The following RTN1 variants were observed in gnomAD, a reference collection of about 807,000 sequenced individuals.
RTN1 encodes the protein reticulon 1, also known as reticulon-1.
In RTN1, 25 loss-of-function variants were observed where a neutral mutation model predicts 65.5. The ratio of observed to expected loss-of-function variants is 0.38; its 90% CI spans 0.28 to 0.53. The LOEUF (loss-of-function observed/expected upper bound fraction) is 0.53, where lower values mean the gene tolerates loss of function less well. RTN1 is among the 20% of genes least tolerant of loss of function. The pLI is 0.79. For synonymous variants in RTN1, 471 were observed against 447.6 expected, an observed-to-expected ratio of 1.05 and a Z score of -0.66; for missense variants, 983 against 1,025.4, an observed-to-expected ratio of 0.96 and a Z score of 0.57.
chr14:59,680,675 G>A (rs961014013), intron 3 of RTN1, among the ~76,000 whole-genome samples: 4 of 152,074 alleles, frequency 2.6e-5, no homozygotes, highest in Non-Finnish European at 5.9e-5. Context: ...GTTTTAGTAT[G>A]GTAATTCTAT....
intron 1 of RTN1, among the ~76,000 whole-genome samples, chr14:59,778,641 G>A (rs1174000152): frequency 1.3e-5 from 2 of 152,200 alleles, no homozygotes; most frequent in African/African-American, 2.4e-5. Context: ...TTACACAAGT[G>A]AAGATGTTTG....
chr14:59,780,055 C>T (rs1314314254), intron 1 of RTN1, among the ~76,000 whole-genome samples: 1 of 152,128 alleles, frequency 6.6e-6, no homozygotes, highest in East Asian at 1.9e-4. Context: ...CACATTCTGG[C>T]CTTGATCCCT....
Position 59,798,132 on chromosome 14 carries a change from T to C in RTN1, c.242-51651A>G, listed in dbSNP as rs186410410. 2.8e-4 allele frequency among the ~76,000 whole-genome samples: 43 copies of C among 152,306 alleles called. No homozygotes were observed. The East Asian group carries it at 6.0e-3, about 21-fold the overall frequency. On this transcript the variant is annotated intron_variant, in intron 1 of 8. Transcript: ENST00000267484. The stretch of plus-strand genomic sequence containing the variant: ...ATACTGTACTATGTTTTTCAAGCAA[T>C]TGATGTGTCTGAATTTTTCAAAAAA...
intron 1 of RTN1, among the ~76,000 whole-genome samples, chr14:59,864,760 C>G (rs1036402365): frequency 1.3e-5 from 2 of 152,158 alleles, no homozygotes; most frequent in African/African-American, 4.8e-5. Flanking sequence ...TGAAGACTTC[C>G]TTTTCTCTAC....
chr14:59,637,149 A>G (rs751672344), intron 3 of RTN1, among the ~76,000 whole-genome samples: 1 of 152,248 alleles, frequency 6.6e-6, no homozygotes, highest in East Asian at 1.9e-4. Context: ...GCCACTCTCT[A>G]TCAACTAAGT....
At chr14:59,813,574 T>C (rs1221580187) in intron 1 of RTN1, among the ~76,000 whole-genome samples, 1 of 152,158 alleles carries the variant, frequency 6.6e-6, no homozygotes, top group Non-Finnish European at 1.5e-5. Flanking sequence ...AGCATAGAGC[T>C]AAACTAGCCT....
At chr14:59,775,977 C>T (rs1169986937) in intron 1 of RTN1, among the ~76,000 whole-genome samples, 1 of 152,082 alleles carries the variant, frequency 6.6e-6, no homozygotes, top group Non-Finnish European at 1.5e-5. Context: ...AATAATTTAA[C>T]AATGAAATAA....
Position 59,746,400 on chromosome 14 carries a change from A to G in RTN1, c.323T>C (p.Leu108Pro), listed in dbSNP as rs746789886. 30 of 1,614,006 alleles carry G rather than the reference A, an allele frequency of 1.9e-5. No individual in the cohort carries two copies. The highest frequency in any genetic ancestry group is 2.5e-5 in the Non-Finnish European group (29 of 1,179,938). ...KDGEGSCYTSLISDICYPPQE... is the reference protein window; with the variant it reads ...KDGEGSCYTSPISDICYPPQE... ...AGGTGGATAGCAGATGTCAGAAATG[A>G]GAGATGTGTAACACGATCCTTCCCC... The change falls in exon 2 of 9, where the codon CTC becomes CCC. Residue 108 changes from leucine (L) to proline (P), a missense_variant. This residue lies in a region of RTN1 where 818 missense variants were observed against 801.8 expected (regional missense o/e 1.02). Transcript: ENST00000267484.
intron 3 of RTN1, among the ~76,000 whole-genome samples, chr14:59,678,348 A>G (rs1483499864): frequency 1.3e-5 from 2 of 152,250 alleles, no homozygotes; most frequent in African/African-American, 2.4e-5. Context: ...AGAAGCCATC[A>G]ATGAGCTACA....
At chr14:59,745,265 TA>T (rs1885192110) in intron 2 of RTN1, among the ~76,000 whole-genome samples, 1 of 152,114 alleles carries the variant, frequency 6.6e-6, no homozygotes, top group Admixed American at 6.5e-5. Context: ...TGTTAAGAAA[TA>T]AATTTTGTTT....
intron 3 of RTN1, among the ~76,000 whole-genome samples, chr14:59,675,001 C>T (rs1192712795): frequency 2.0e-5 from 3 of 151,750 alleles, no homozygotes; most frequent in Non-Finnish European, 4.4e-5. Context: ...CTTAAAAGGG[C>T]AAGCAAGTCA....
At chr14:59,610,005 C>A (rs1881896435) in intron 3 of RTN1, 2 of 686,216 alleles carry the variant, frequency 2.9e-6, no homozygotes, top group Non-Finnish European at 5.4e-6. Context: ...AAGGAAGATG[C>A]TTACCCACTT....
At chr14:59,713,019 T>C (rs1473638569) in intron 3 of RTN1, among the ~76,000 whole-genome samples, 1 of 152,062 alleles carries the variant, frequency 6.6e-6, no homozygotes, top group Non-Finnish European at 1.5e-5. Context: ...CATTAGAGGA[T>C]AAGCACTTTA....
chr14:59,785,238 T>A (rs1385819288), intron 1 of RTN1, among the ~76,000 whole-genome samples: 2 of 152,208 alleles, frequency 1.3e-5, no homozygotes, highest in Non-Finnish European at 2.9e-5. Context: ...TACTGTGTCT[T>A]CCAATCATTT....
intron 1 of RTN1, among the ~76,000 whole-genome samples, chr14:59,851,850 A>G (rs1159741942): frequency 2.1e-5 from 3 of 140,582 alleles, no homozygotes; most frequent in Admixed American, 1.5e-4. Flanking sequence ...AGCAAGACAC[A>G]GTCTCAAAAA....
chr14:59,640,704 A>C (rs552017102), intron 3 of RTN1, among the ~76,000 whole-genome samples: 1 of 152,298 alleles, frequency 6.6e-6, no homozygotes, highest in African/African-American at 2.4e-5. Flanking sequence ...TGGAGGTGCC[A>C]TAGCCATGTC....
In RTN1 at chr14:59,727,460, C is replaced by T. The variant is rs757743369; in HGVS notation, c.1224G>A (p.Ser408=). The change falls in exon 3 of 9, where the codon TCG becomes TCA. Residue 408 remains serine (S), a synonymous_variant. Transcript: ENST00000267484. This position sits in a 1 kb window ranked among gnomAD's most constrained non-coding sequence, Gnocchi z 4.2. ...ACACCAGCTCGATCTCTGAGTCCCC[C>T]GACTCCGCGCTGCTGGCCTCGTGGT... ...PLDHEASSAE[S]GDSEIELVSE... 9 of 1,562,506 alleles carry T rather than the reference C, an allele frequency of 5.8e-6. No individual in the cohort carries two copies. Among genetic ancestry groups the T allele is most frequent in the African/African-American group, 2.7e-5 (2 of 73,794 alleles).
intron 1 of RTN1, among the ~76,000 whole-genome samples, chr14:59,795,712 C>T (rs1165277406): frequency 6.6e-6 from 1 of 152,074 alleles, no homozygotes; most frequent in East Asian, 1.9e-4. Context: ...AGGGGCAAAC[C>T]TTGACATTGA....
At chr14:59,811,934 C>T (rs1380047321) in intron 1 of RTN1, among the ~76,000 whole-genome samples, 2 of 152,136 alleles carry the variant, frequency 1.3e-5, no homozygotes, top group Non-Finnish European at 2.9e-5. Context: ...GTCAGAATCA[C>T]TGTAAATACT....
Sources: allele counts gnomAD v4.1 joint callset (sites outside exome capture counted in the v4.1 genomes callset), GRCh38; gene constraint gnomAD v4.1.1; regional missense constraint gnomAD v4.1.1; non-coding constraint Gnocchi (gnomAD v3.1); transcripts MANE v1.5; gene names NCBI Gene and HGNC (gene_info 2026-07-23, HGNC 2026-07-21).